The following INO80 variants were observed in gnomAD, a reference collection of about 807,000 sequenced individuals.
INO80 encodes chromatin-remodeling ATPase INO80.
Under a neutral mutation model 203.4 loss-of-function variants are expected in INO80, and 20 were observed. The observed-to-expected ratio is 0.10, with a 90% CI of 0.07 to 0.14. The LOEUF (loss-of-function observed/expected upper bound fraction) is 0.14. Among genes scored for constraint, INO80 ranks in the 10% least tolerant of loss-of-function variants. The pLI is 1.00. For missense variants in INO80, 1,419 were observed against 1,914.4 expected (o/e 0.74, Z 4.83); for synonymous variants, 726 against 685.2 (o/e 1.06, Z -0.93).
chr15:41,077,088 T>C lies in INO80; in HGVS notation c.1132-2523A>G, dbSNP rs2045414868. ...ACACCCAGCTAATTTTTTGTATTTT[T>C]AGTAAAGACGGGGTTTCACCGTGTT... On this transcript the variant is annotated intron_variant, in intron 9 of 35. Transcript: ENST00000648947. 2.0e-5 allele frequency among the ~76,000 whole-genome samples: 3 copies of C among 152,044 alleles called. No homozygotes were observed. In the South Asian group the frequency reaches 6.2e-4, roughly 31 times the overall value.
intron 24 of INO80, among the ~76,000 whole-genome samples, chr15:41,031,596 AGGGAGGGAGGAAGGGAGG>A (rs2044471516): frequency 1.9e-4 from 1 of 5,164 alleles, no homozygotes; most frequent in African/African-American, 4.6e-4. Context: ...GAAGGGAGGG[AGGGAGGGAGGAAGGGAGG>A]AGGGAGGAAG....
intron 15 of INO80, 72 bp from the exon 16 acceptor site, chr15:41,058,853 G>GT: frequency 6.9e-7 from 1 of 1,450,306 alleles, no homozygotes; most frequent in Non-Finnish European, 9.4e-7. Flanking sequence ...TGTATGGACT[G>GT]TTTTTCTAGG....
rs1274796670 is a variant in INO80, at chr15:40,980,269, A to G, written c.4625T>C (p.Leu1542Pro). 2.5e-6 allele frequency: 4 copies of G among 1,613,556 alleles called. No individual in the cohort carries two copies. Among genetic ancestry groups the G allele is most frequent in the South Asian group, 1.1e-5 (1 of 91,048 alleles). Reference sequence around the variant, plus strand: ...GGTGCCTTTGCCCTGTTTCCGGACCAGAGAGTCTGGGGCTAGGCTGCTGGT... The same window carrying G: ...GGTGCCTTTGCCCTGTTTCCGGACCGGAGAGTCTGGGGCTAGGCTGCTGGT... ...HMTSSLAPDS[L>P]VRKQGKGTNP... The change falls in exon 36 of 36, where the codon CTG becomes CCG. Residue 1542 changes from leucine to proline, a missense_variant. Physicochemically the swap from Leu to Pro is moderately conservative, Grantham distance 98 (BLOSUM62 -3). This residue lies in a region of INO80 where 112 missense variants were observed against 106.2 expected (regional missense o/e 1.05). Transcript: ENST00000648947.
At chr15:41,005,518 A>G (rs1596251577) in intron 28 of INO80, 75 bp downstream of exon 28, 1 of 747,960 alleles carries the variant, frequency 1.3e-6, no homozygotes, top group Non-Finnish European at 2.2e-6. Context: ...GCATTTAAAA[A>G]AAAAAAAAAA....
chr15:41,095,910 T>G lies in INO80; in HGVS notation c.162A>C (p.Gly54=). 1 of 1,613,942 alleles carries G rather than the reference T, an allele frequency of 6.2e-7. No individual in the cohort carries two copies. Among genetic ancestry groups the G allele is most frequent in the Non-Finnish European group, 8.5e-7 (1 of 1,179,852 alleles). The change falls in exon 3 of 36, where the codon GGA becomes GGC. Residue 54 remains glycine, a synonymous_variant. Coordinates refer to ENST00000648947, the MANE Select transcript of INO80 (RefSeq NM_017553.3). The part of the protein sequence containing the change: ...RNISSDDSED[G]LDDSNPLLPQ... Reference sequence around the variant, plus strand: ...GCAATAATGGATTACTGTCATCCAGTCCATCTTCACTGTCATCACTATAAA... The same window carrying G: ...GCAATAATGGATTACTGTCATCCAGGCCATCTTCACTGTCATCACTATAAA...
intron 1 of INO80, among the ~76,000 whole-genome samples, chr15:41,105,171 TAACTA>T (rs2045864136): frequency 2.0e-5 from 3 of 152,218 alleles, no homozygotes; most frequent in Admixed American, 6.6e-5. Context: ...TTCACTCTAT[TAACTA>T]TGTGGTCTAA....
In INO80 at chr15:40,980,304, G is replaced by A; in HGVS notation, c.4590C>T (p.Asn1530=). ...KGNNVPGNPK[N]LHMTSSLAPD... ...GGGCTAGGCTGCTGGTCATGTGGAGGTTCTTGGGATTCCCAGGAACATTAT... is the reference window on the plus strand; with the variant it reads ...GGGCTAGGCTGCTGGTCATGTGGAGATTCTTGGGATTCCCAGGAACATTAT... The change falls in exon 36 of 36, where the codon AAC becomes AAT. Residue 1530 remains asparagine (N), a synonymous_variant. Transcript: ENST00000648947. The A allele has an allele frequency of 1.2e-6, 2 of 1,613,984 alleles. No individual in the cohort carries two copies. Among genetic ancestry groups the A allele is most frequent in the South Asian group, 1.1e-5 (1 of 91,070 alleles).
chr15:40,985,841 G>A (rs1297807534), intron 31 of INO80, among the ~76,000 whole-genome samples: 1 of 152,152 alleles, frequency 6.6e-6, no homozygotes, highest in Non-Finnish European at 1.5e-5. Flanking sequence ...CCAGGAAGTG[G>A]AGGTTGTGGT....
intron 1 of INO80, among the ~76,000 whole-genome samples, chr15:41,110,334 G>A (rs867894190): frequency 6.6e-6 from 1 of 151,756 alleles, no homozygotes; most frequent in Admixed American, 6.6e-5. Context: ...TAGTAGAGAC[G>A]GGGTTTCACC....
In INO80 at chr15:41,056,707, CTGTT is replaced by C. The variant is rs1338406887; in HGVS notation, c.1986-5_1986-2del. The C allele has an allele frequency of 4.3e-6, 7 of 1,612,744 alleles. No homozygotes were observed. In the South Asian group the frequency reaches 4.4e-5, roughly 10 times the overall value. ...CTGTAAGAGGATCTTCCAACGAACA[CTGTT>C]TGATAAAATAAGTTACAAATTCATG... On this transcript the variant is annotated splice_acceptor_variant and splice_polypyrimidine_tract_variant and intron_variant, in intron 16 of 35. Coordinates refer to ENST00000648947, the MANE Select transcript of INO80 (RefSeq NM_017553.3). LOFTEE classifies it high-confidence loss of function.
In INO80 at chr15:41,058,656, C is replaced by T. The variant is rs1275706742; in HGVS notation, c.1968G>A (p.Ala656=). Residue 656 remains alanine (A), a synonymous_variant, in exon 16 of 36, where the codon GCG becomes GCA. Coordinates refer to ENST00000648947, the MANE Select transcript of INO80 (RefSeq NM_017553.3). The part of the protein sequence containing the change: ...WQYMVLDEAQ[A]LKSSSSVRWK... The stretch of plus-strand genomic sequence containing the variant: ...CATGTTACCTGGAACTACTCTTGAG[C>T]GCCTGAGCCTCATCCAGTACCATGT... 4 of 1,613,114 alleles carry T rather than the reference C, an allele frequency of 2.5e-6. No homozygotes were observed. Among genetic ancestry groups the T allele is most frequent in the South Asian group, 1.1e-5 (1 of 91,022 alleles).
intron 4 of INO80, among the ~76,000 whole-genome samples, chr15:41,093,352 G>A (rs1268366962): frequency 6.6e-6 from 1 of 152,108 alleles, no homozygotes; most frequent in Non-Finnish European, 1.5e-5. Flanking sequence ...TTGAACCCAG[G>A]AGGGAGAGGT....
rs376256834 is a variant in INO80, at chr15:41,047,411, G to A, written c.2732C>T (p.Ala911Val). 6.8e-6 allele frequency: 11 copies of A among 1,610,988 alleles called. No individual in the cohort carries two copies. The highest frequency in any genetic ancestry group is 9.3e-6 in the Non-Finnish European group (11 of 1,177,898). The change falls in exon 23 of 36, where the codon GCC (alanine) becomes GTC (valine). Residue 911 changes from alanine (A) to valine (V), a missense_variant. By Grantham distance (64) the Ala-to-Val change is moderately conservative. This residue lies in a region of INO80 where 302 missense variants were observed against 345.4 expected (regional missense o/e 0.87). Transcript: ENST00000648947. ...AAGCAATAAGCAAACCTCTCACCTG[G>A]CCAAAAGTCCCTGAAGCATAAGGTT... ...MANLMLQGLL[A>V]RWLALFLSLK... is the part of the protein sequence containing the mutation.
Position 40,987,788 on chromosome 15 carries a change from T to C in INO80, c.3729+28A>G, listed in dbSNP as rs76477490. The C allele has an allele frequency of 4.8e-4, 776 of 1,602,410 alleles. 3 individuals are homozygous for C. The African/African-American group carries it at 8.3e-3, about 17-fold the overall frequency. On this transcript the variant is annotated intron_variant, in intron 30 of 35. Transcript: ENST00000648947. ...TTGGACTTTCTGTTTGCTCCACCAGTGTAGGAATTTCTTTCTCTTGTGCTT... is the reference window on the plus strand; with the variant it reads ...TTGGACTTTCTGTTTGCTCCACCAGCGTAGGAATTTCTTTCTCTTGTGCTT...
chr15:41,069,958 G>C (rs1232575578), intron 13 of INO80, among the ~76,000 whole-genome samples: 1 of 152,058 alleles, frequency 6.6e-6, no homozygotes, highest in Non-Finnish European at 1.5e-5. Context: ...TACTATACTA[G>C]TTATCCGACA....
Position 41,092,153 on chromosome 15 carries a change from C to A in INO80, c.411G>T (p.Glu137Asp), listed in dbSNP as rs755753243. The change falls in exon 5 of 36, where the codon GAG becomes GAT. Residue 137 changes from glutamate to aspartate, a missense_variant. Around this residue, in one of 9 missense-constraint regions of INO80, gnomAD observed 323 missense variants for 325.4 expected, o/e 0.99. Coordinates refer to ENST00000648947, the MANE Select transcript of INO80 (RefSeq NM_017553.3). ...CATCGTCTTCACTCTGAGAATCAGC[C>A]TCGCTGGATTCATCACTTAGCAGAA... ...KSILLSDESS[E>D]ADSQSEDDDE... 1 of 1,607,956 alleles carries A rather than the reference C, an allele frequency of 6.2e-7. No individual in the cohort carries two copies. Among genetic ancestry groups the A allele is most frequent in the Non-Finnish European group, 8.5e-7 (1 of 1,175,098 alleles).
intron 28 of INO80, among the ~76,000 whole-genome samples, chr15:41,000,706 C>CAAAAAAAAAAAAAAA (rs58232890): frequency 7.6e-4 from 43 of 56,724 alleles, no homozygotes; most frequent in Non-Finnish European, 1.1e-3. Flanking sequence ...CACCCTGTCT[C>CAAAAAAAAAAAAAAA]AAAAAAAAAA....
At chr15:41,054,126 T>C (rs1409121164) in intron 18 of INO80, 112 bp from the exon 19 acceptor site, 5 of 772,164 alleles carry the variant, frequency 6.5e-6, no homozygotes, top group Non-Finnish European at 8.2e-6. Flanking sequence ...TTTGGCTCAA[T>C]GATTCTCTAA....
intron 27 of INO80, among the ~76,000 whole-genome samples, chr15:41,012,208 C>T (rs1208069535): frequency 6.6e-6 from 1 of 152,168 alleles, no homozygotes; most frequent in Non-Finnish European, 1.5e-5. Context: ...GCCTGACATC[C>T]AGCTGGATAC....
Sources: allele counts gnomAD v4.1 joint callset (sites outside exome capture counted in the v4.1 genomes callset), GRCh38; gene constraint gnomAD v4.1.1; regional missense constraint gnomAD v4.1.1; transcripts MANE v1.5; gene names NCBI Gene and HGNC (gene_info 2026-07-23, HGNC 2026-07-21).